Variants in RASGRP3 observed in about 807,000 individuals in gnomAD.
The protein encoded by RASGRP3 is ras guanyl-releasing protein 3.
RASGRP3 carries 54 observed loss-of-function variants against 82.7 expected under a neutral mutation model. The observed-to-expected ratio is 0.65, with a 90% confidence interval of 0.52 to 0.82. The LOEUF (loss-of-function observed/expected upper bound fraction) is 0.82. Among genes scored for constraint, RASGRP3 ranks in the 40% least tolerant of loss-of-function variants. RASGRP3 has a pLI of 0.00. For missense variants in RASGRP3, 861 were observed against 828.9 expected (o/e 1.04, Z -0.48); for synonymous variants, 309 against 300.5 (o/e 1.03, Z -0.29).
At chr2:33,551,342 T>C (rs1399221958) in intron 14 of RASGRP3, among the ~76,000 whole-genome samples, 1 of 151,974 alleles carries the variant, frequency 6.6e-6, no homozygotes, top group Non-Finnish European at 1.5e-5. Context: ...TCCTTTTTCA[T>C]GTTTCTCTAT....
At chr2:33,454,851 A>G (rs1665959074) in intron 2 of RASGRP3, among the ~76,000 whole-genome samples, 2 of 152,222 alleles carry the variant, frequency 1.3e-5, no homozygotes, top group South Asian at 4.1e-4. Flanking sequence ...CCACAGAAAA[A>G]GGATTTTCTG....
At chr2:33,462,112 A>G (rs777634118) in intron 2 of RASGRP3, among the ~76,000 whole-genome samples, 3 of 152,242 alleles carry the variant, frequency 2.0e-5, no homozygotes, top group Non-Finnish European at 2.9e-5. Flanking sequence ...TCAAATTAAC[A>G]TGGCTATTTT....
chr2:33,523,944 G>C lies in RASGRP3; in HGVS notation c.582G>C (p.Ser194=), dbSNP rs201790610. The part of the protein sequence containing the change: ...CLENNPTLER[S]IALFNGISKW... ...AGAATAATCCAACCTTGGAAAGATC[G>C]ATTGCTTTATTTAATGGAATCTCTA... The change falls in exon 8 of 18, where the codon TCG becomes TCC. Residue 194 remains serine, a synonymous_variant. Transcript: ENST00000403687. 2.5e-5 allele frequency: 40 copies of C among 1,613,882 alleles called. 1 individual carries two copies. The South Asian group carries it at 4.0e-4, about 16-fold the overall frequency.
intron 2 of RASGRP3, among the ~76,000 whole-genome samples, chr2:33,467,766 G>A (rs993045479): frequency 1.3e-5 from 2 of 152,178 alleles, no homozygotes; most frequent in Non-Finnish European, 2.9e-5. Context: ...TACCTTTTGG[G>A]AATTTCTACC....
At chr2:33,544,763 GA>G in intron 13 of RASGRP3, among the ~76,000 whole-genome samples, 1 of 152,102 alleles carries the variant, frequency 6.6e-6, no homozygotes, top group Admixed American at 6.5e-5. Flanking sequence ...GGGAGGCTGA[GA>G]TAGTAGGATT....
intron 2 of RASGRP3, among the ~76,000 whole-genome samples, chr2:33,466,935 G>A (rs960792335): frequency 1.3e-5 from 2 of 152,104 alleles, no homozygotes; most frequent in African/African-American, 2.4e-5. Flanking sequence ...CTGCTCACTC[G>A]TTGTGGGCAG....
intron 2 of RASGRP3, among the ~76,000 whole-genome samples, chr2:33,467,513 A>G (rs1330637620): frequency 6.6e-6 from 1 of 152,254 alleles, no homozygotes; most frequent in Non-Finnish European, 1.5e-5. Context: ...ATTGCACAAG[A>G]TAGAATTTAC....
chr2:33,499,335 A>T (rs983798645), intron 1 of RASGRP3, among the ~76,000 whole-genome samples: 1 of 152,132 alleles, frequency 6.6e-6, no homozygotes, highest in Admixed American at 6.6e-5. Context: ...AGGTGGGTGG[A>T]TCGCCTGAGC....
At chr2:33,474,788 C>T (rs929208063), upstream of RASGRP3, among the ~76,000 whole-genome samples, 1 of 152,178 alleles carries the variant, frequency 6.6e-6, no homozygotes, top group Admixed American at 6.5e-5. Context: ...GAACCATGAA[C>T]CAATTAAACC....
upstream of RASGRP3, chr2:33,476,117 G>A (rs1450497190): frequency 6.6e-6 from 1 of 152,226 alleles, no homozygotes; most frequent in Non-Finnish European, 1.5e-5. Flanking sequence ...TGGTGAGTGA[G>A]GGTCTGCCTT....
rs539284936 is a variant in RASGRP3 at position 33,545,948 on chromosome 2, A to G, written c.1394+2321A>G. 2.0e-5 allele frequency among the ~76,000 whole-genome samples: 3 copies of G among 151,744 alleles called. No homozygotes were observed. In the South Asian group the frequency reaches 6.2e-4, roughly 32 times the overall value. ...GCCTCCTGAGTAGCTGGTTATAGGC[A>G]TGCACCACCACGCCAGGCAATTTTT... is the stretch of plus-strand genomic sequence containing the variant. On this transcript the variant is annotated intron_variant, in intron 13 of 17. Transcript: ENST00000403687.
chr2:33,550,684 T>C (rs1418323115), intron 14 of RASGRP3, among the ~76,000 whole-genome samples: 1 of 152,174 alleles, frequency 6.6e-6, no homozygotes. Context: ...TCGTGTTAGC[T>C]TTATTTGGCA....
chr2:33,559,271 C>G (rs539603275), intron 17 of RASGRP3, among the ~76,000 whole-genome samples: 7 of 152,146 alleles, frequency 4.6e-5, no homozygotes, highest in African/African-American at 1.7e-4. Context: ...GTTCTGAAAC[C>G]TATTGAAGGC....
chr2:33,530,242 A>C (rs950130265), intron 10 of RASGRP3, among the ~76,000 whole-genome samples: 1 of 152,174 alleles, frequency 6.6e-6, no homozygotes, highest in African/African-American at 2.4e-5. Flanking sequence ...TTTTCATCTA[A>C]ACATGGCTCC....
upstream of RASGRP3, among the ~76,000 whole-genome samples, chr2:33,472,870 C>CAAAAAAAA (rs57159320): frequency 4.7e-4 from 32 of 68,008 alleles, no homozygotes; most frequent in Non-Finnish European, 7.1e-4. Context: ...GACTCCGTCT[C>CAAAAAAAA]AAAAAAAAAA....
At chr2:33,515,855 A>C (rs1558470938) in intron 3 of RASGRP3, among the ~76,000 whole-genome samples, 1 of 152,224 alleles carries the variant, frequency 6.6e-6, no homozygotes, top group Non-Finnish European at 1.5e-5. Flanking sequence ...TAGAAACCAG[A>C]GTTAAACCAG....
intron 5 of RASGRP3, 148 bp downstream of exon 5, chr2:33,520,162 G>A (rs891117498): frequency 3.2e-5 from 21 of 655,016 alleles, no homozygotes; most frequent in Non-Finnish European, 4.2e-5. Flanking sequence ...GCTCTCCTCT[G>A]TTGGGTGGGG....
At chr2:33,485,276 C>T (rs139987332) in intron 1 of RASGRP3, among the ~76,000 whole-genome samples, 15 of 152,346 alleles carry the variant, frequency 9.8e-5, no homozygotes, top group African/African-American at 3.6e-4. Context: ...ATGCAATTGA[C>T]ATTATGTCAT....
chr2:33,508,272 G>T (rs909510017), intron 1 of RASGRP3, among the ~76,000 whole-genome samples: 7 of 152,140 alleles, frequency 4.6e-5, no homozygotes, highest in Non-Finnish European at 1.0e-4. Context: ...ATCATATCAA[G>T]GGGAAATTTT....
Sources: allele counts gnomAD v4.1 joint callset (sites outside exome capture counted in the v4.1 genomes callset), GRCh38; gene constraint gnomAD v4.1.1; transcripts MANE v1.5; gene names NCBI Gene and HGNC (gene_info 2026-07-23, HGNC 2026-07-21).